The following PDCD10 variants were observed in gnomAD, a reference collection of about 807,000 sequenced individuals.
The protein encoded by PDCD10 is programmed cell death 10, also known as programmed cell death protein 10.
PDCD10 carries 4 observed loss-of-function variants against 29.2 expected under a neutral mutation model. That is an observed-to-expected ratio of 0.14 (90% CI 0.07 to 0.31). The LOEUF (loss-of-function observed/expected upper bound fraction) is 0.31. Ranked by LOEUF, PDCD10 falls within the 10% of genes least tolerant of loss-of-function variation. The probability of loss-of-function intolerance (pLI) is 1.00; values close to 1 mark genes in which losing one functional copy is unlikely to be tolerated. For missense variants in PDCD10, 183 were observed against 257.9 expected (o/e 0.71, Z 1.99); for synonymous variants, 70 against 82.2 (o/e 0.85, Z 0.80).
At chr3:167,696,453 C>A (rs1173458060) in intron 5 of PDCD10, among the ~76,000 whole-genome samples, 1 of 152,084 alleles carries the variant, frequency 6.6e-6, no homozygotes, top group African/African-American at 2.4e-5. Context: ...GCTTTGTGTT[C>A]TTCCTTAATA....
At chr3:167,730,140 CCA>C (rs970732370) in intron 2 of PDCD10, among the ~76,000 whole-genome samples, 1 of 152,048 alleles carries the variant, frequency 6.6e-6, no homozygotes, top group African/African-American at 2.4e-5. Flanking sequence ...AACCATCAAA[CCA>C]CAGTGTTTAT....
At chr3:167,686,402 C>G (rs984155406) in intron 8 of PDCD10, among the ~76,000 whole-genome samples, 1 of 152,140 alleles carries the variant, frequency 6.6e-6, no homozygotes, top group African/African-American at 2.4e-5. Flanking sequence ...ACCCTTACAG[C>G]ACTTTAAAAA....
At chr3:167,723,329 C>A (rs1577370426) in intron 2 of PDCD10, among the ~76,000 whole-genome samples, 1 of 152,166 alleles carries the variant, frequency 6.6e-6, no homozygotes, top group African/African-American at 2.4e-5. Context: ...AGGTCTGAGG[C>A]CCCCTTTGAC....
chr3:167,695,208 A>G (rs1437403220), intron 6 of PDCD10, among the ~76,000 whole-genome samples: 1 of 152,148 alleles, frequency 6.6e-6, no homozygotes, highest in Non-Finnish European at 1.5e-5. Flanking sequence ...AGAAAACACT[A>G]CTCATGCCTA....
At chr3:167,691,038 T>C (rs1447856208) in intron 6 of PDCD10, among the ~76,000 whole-genome samples, 5 of 152,322 alleles carry the variant, frequency 3.3e-5, no homozygotes, top group South Asian at 4.1e-4. Context: ...CATATGCTTA[T>C]TGAAAAATGT....
chr3:167,724,243 T>C (rs953569042), intron 2 of PDCD10, among the ~76,000 whole-genome samples: 1 of 152,232 alleles, frequency 6.6e-6, no homozygotes, highest in Non-Finnish European at 1.5e-5. Context: ...ACTTCTCAGT[T>C]AGAAAAACAG....
At chr3:167,702,352 AAT>A (rs1317841773) in intron 4 of PDCD10, among the ~76,000 whole-genome samples, 4 of 149,324 alleles carry the variant, frequency 2.7e-5, no homozygotes, top group Admixed American at 1.3e-4. Context: ...ATGAATAATA[AAT>A]ATATTTTCTC....
intron 2 of PDCD10, among the ~76,000 whole-genome samples, chr3:167,726,326 T>C (rs1050803210): frequency 6.6e-6 from 1 of 152,092 alleles, no homozygotes; most frequent in African/African-American, 2.4e-5. Context: ...TTCAAACTCC[T>C]GACCTCAGGT....
At chr3:167,733,384 C>A (rs1298985304) in intron 2 of PDCD10, among the ~76,000 whole-genome samples, 1 of 152,152 alleles carries the variant, frequency 6.6e-6, no homozygotes, top group African/African-American at 2.4e-5. Flanking sequence ...ATAAGACTTG[C>A]ATAAAGGCAC....
At chr3:167,723,590 T>C (rs1426977894) in intron 2 of PDCD10, among the ~76,000 whole-genome samples, 1 of 152,210 alleles carries the variant, frequency 6.6e-6, no homozygotes, top group Non-Finnish European at 1.5e-5. Flanking sequence ...GGTCACAACA[T>C]CTAGCTAATA....
chr3:167,712,294 T>G (rs1224605980), intron 3 of PDCD10, among the ~76,000 whole-genome samples: 1 of 152,116 alleles, frequency 6.6e-6, no homozygotes, highest in African/African-American at 2.4e-5. Flanking sequence ...AGTTTTCTTT[T>G]TGCTTGTTTA....
chr3:167,687,145 A>G, intron 8 of PDCD10, 89 bp downstream of exon 8: 2 of 704,740 alleles, frequency 2.8e-6, no homozygotes, highest in Non-Finnish European at 5.0e-6. Flanking sequence ...ATAATAAAAT[A>G]AAAGGGCTTA....
rs1342245194 is a variant in PDCD10 at position 167,687,621 on chromosome 3, G to A, written c.468C>T (p.Asn156=). The stretch of plus-strand genomic sequence containing the variant: ...AGGCTTCTACTAAACGTACCCTGCG[G>A]TTCTGGTATTGATATTTCTTGAAGA... ...NNVFKKYQYQ[N]RRALEHQKKE... The change falls in exon 7 of 9, where the codon AAC becomes AAT. Residue 156 remains asparagine (N), a synonymous_variant. Coordinates refer to ENST00000392750, the MANE Select transcript of PDCD10 (RefSeq NM_007217.4). 3.2e-6 allele frequency: 5 copies of A among 1,583,466 alleles called. No homozygotes were observed. The highest frequency in any genetic ancestry group is 3.3e-5 in the Admixed American group (2 of 59,968).
At chr3:167,726,114 GTTTTTTTTTTTT>G (rs751342370) in intron 2 of PDCD10, among the ~76,000 whole-genome samples, 11 of 85,766 alleles carry the variant, frequency 1.3e-4, no homozygotes, top group South Asian at 4.7e-4. Flanking sequence ...GTAGAGTACT[GTTTTTTTTTTTT>G]TTTTTTTTTT....
At chr3:167,692,808 C>T (rs1345036680) in intron 6 of PDCD10, among the ~76,000 whole-genome samples, 2 of 152,234 alleles carry the variant, frequency 1.3e-5, no homozygotes, top group African/African-American at 4.8e-5. Flanking sequence ...GTCCCAGCTA[C>T]GCTGGAGGCT....
At chr3:167,704,341 C>T (rs1217986811) in intron 4 of PDCD10, among the ~76,000 whole-genome samples, 4 of 152,134 alleles carry the variant, frequency 2.6e-5, no homozygotes, top group African/African-American at 9.7e-5. Context: ...AATCCTCCTG[C>T]CTCAGCCTCC....
chr3:167,734,085 G>A (rs1005919558), intron 2 of PDCD10, 129 bp downstream of exon 2: 5 of 152,064 alleles, frequency 3.3e-5, no homozygotes, highest in African/African-American at 1.2e-4. Flanking sequence ...AGCTGGACTC[G>A]AACCGAACTA....
In PDCD10 at chr3:167,697,127, C is replaced by CTA; in HGVS notation, c.151-3_151-2dup. 1 of 1,513,878 alleles carries CTA rather than the reference C, an allele frequency of 6.6e-7. No homozygotes were observed. The highest frequency in any genetic ancestry group is 1.1e-5 in the South Asian group (1 of 88,928). 93.8% of individuals were successfully genotyped at this position (1,513,878 alleles called of 1,614,324 possible). A position where few individuals can be genotyped will look rare whatever the true frequency, so the allele number is the denominator to read the frequency against. ...TGAGACCTGGATTTTCTTTTTCAGC[C>CTA]TATAATAAAGAGAAAACTAGTTTTG... On this transcript the variant is annotated splice_acceptor_variant, in intron 4 of 8. Coordinates refer to ENST00000392750, the MANE Select transcript of PDCD10 (RefSeq NM_007217.4). LOFTEE classifies it high-confidence loss of function.
chr3:167,704,386 C>T (rs1721760957), intron 4 of PDCD10, among the ~76,000 whole-genome samples: 1 of 151,964 alleles, frequency 6.6e-6, no homozygotes, highest in Non-Finnish European at 1.5e-5. Flanking sequence ...CACCACCATG[C>T]CTGGCTAATA....
Sources: gnomAD v4.1 joint callset for allele counts (sites outside exome capture counted in the v4.1 genomes callset) on GRCh38, gnomAD v4.1.1 for gene constraint, MANE v1.5 for transcripts, NCBI Gene and HGNC (gene_info 2026-07-23, HGNC 2026-07-21) for gene names.